Variants in PTPRM observed in about 807,000 individuals in gnomAD.
PTPRM encodes the protein protein tyrosine phosphatase receptor type M, also known as receptor-type tyrosine-protein phosphatase mu.
PTPRM carries 47 observed loss-of-function variants against 186.7 expected under a neutral mutation model. The observed-to-expected ratio is 0.25, with a 90% CI of 0.20 to 0.32. PTPRM has a LOEUF of 0.32. Ranked by LOEUF, PTPRM falls within the 10% of genes least tolerant of loss-of-function variation. The pLI, the probability that PTPRM is intolerant of heterozygous loss-of-function variation, is 1.00. For missense variants in PTPRM, 1,494 were observed against 1,865.0 expected, an observed-to-expected ratio of 0.80 and a Z score of 3.66; for synonymous variants, 668 against 674.9, an observed-to-expected ratio of 0.99 and a Z score of 0.16.
At chr18:7,771,987 C>A (rs2144910603) in intron 1 of PTPRM, among the ~76,000 whole-genome samples, 1 of 152,314 alleles carries the variant, frequency 6.6e-6, no homozygotes, top group Non-Finnish European at 1.5e-5. Flanking sequence ...TGTACAAAAG[C>A]CGTATGGGAT....
chr18:8,076,399 A>G (rs1437109313), intron 8 of PTPRM, 56 bp from the exon 9 acceptor site: 1 of 1,055,550 alleles, frequency 9.5e-7, no homozygotes, highest in Non-Finnish European at 1.4e-6. Flanking sequence ...GTCTAGAAAA[A>G]TCTACTTTTT....
chr18:7,641,960 G>A (rs781238344), intron 1 of PTPRM, among the ~76,000 whole-genome samples: 1 of 152,148 alleles, frequency 6.6e-6, no homozygotes, highest in Non-Finnish European at 1.5e-5. Flanking sequence ...AGGGCTATGA[G>A]GGATGTGGAG....
intron 9 of PTPRM, among the ~76,000 whole-genome samples, chr18:8,079,140 C>T (rs1482698152): frequency 6.6e-6 from 1 of 152,162 alleles, no homozygotes; most frequent in African/African-American, 2.4e-5. Context: ...AGTTCACAGC[C>T]TTACATCATT....
chr18:8,115,255 G>A (rs1234801989), intron 13 of PTPRM, among the ~76,000 whole-genome samples: 1 of 152,128 alleles, frequency 6.6e-6, no homozygotes. Flanking sequence ...AGTAGAAAGT[G>A]GAGTCTACGC....
intron 19 of PTPRM, among the ~76,000 whole-genome samples, chr18:8,277,243 T>C (rs1601597813): frequency 1.3e-5 from 2 of 152,194 alleles, no homozygotes; most frequent in East Asian, 1.9e-4. Context: ...TTTTTCCCAA[T>C]ATAGAAACAG....
intron 7 of PTPRM, among the ~76,000 whole-genome samples, chr18:8,034,341 T>A (rs368879468): frequency 1.2e-4 from 19 of 152,264 alleles, no homozygotes; most frequent in African/African-American, 4.3e-4. Flanking sequence ...AAATCCCATT[T>A]AAATATCTTC....
chr18:8,283,663 C>T (rs540619703), intron 19 of PTPRM, among the ~76,000 whole-genome samples: 7 of 152,266 alleles, frequency 4.6e-5, no homozygotes, highest in African/African-American at 1.7e-4. Context: ...CTCTGTTGCC[C>T]AGGCTGGAGG....
At chr18:7,621,378 G>A (rs2037934028) in intron 1 of PTPRM, among the ~76,000 whole-genome samples, 1 of 152,114 alleles carries the variant, frequency 6.6e-6, no homozygotes, top group African/African-American at 2.4e-5. Context: ...TTCCCATATA[G>A]CCCTGCCCCC....
At chr18:8,039,617 T>C (rs2086566059) in intron 7 of PTPRM, among the ~76,000 whole-genome samples, 1 of 152,170 alleles carries the variant, frequency 6.6e-6, no homozygotes, top group Non-Finnish European at 1.5e-5. Flanking sequence ...AATGGCTACG[T>C]TAAGCAAAAT....
chr18:7,583,640 G>A (rs75629353), intron 1 of PTPRM, among the ~76,000 whole-genome samples: 6,290 of 152,312 alleles, frequency 0.041, 148 homozygotes, highest in South Asian at 0.085. Flanking sequence ...GCTTCTTAGT[G>A]ACTTGACTGA....
intron 7 of PTPRM, among the ~76,000 whole-genome samples, chr18:8,001,699 T>TA (rs2083884802): frequency 6.6e-6 from 1 of 152,212 alleles, no homozygotes; most frequent in Non-Finnish European, 1.5e-5. Flanking sequence ...TCCCCTTCTC[T>TA]GCCTAATCTT....
At chr18:7,640,263 A>G (rs1215098440) in intron 1 of PTPRM, among the ~76,000 whole-genome samples, 1 of 152,212 alleles carries the variant, frequency 6.6e-6, no homozygotes, top group Non-Finnish European at 1.5e-5. Flanking sequence ...AGAAACTTCC[A>G]GTGTCCAGTT....
intron 19 of PTPRM, among the ~76,000 whole-genome samples, chr18:8,279,607 C>T (rs556097118): frequency 4.6e-5 from 7 of 152,272 alleles, no homozygotes; most frequent in Middle Eastern, 3.4e-3. Context: ...GGTCCGTAGT[C>T]GTGAGACAGA....
At chr18:8,273,312 G>A (rs934814728) in intron 19 of PTPRM, among the ~76,000 whole-genome samples, 7 of 151,942 alleles carry the variant, frequency 4.6e-5, no homozygotes, top group African/African-American at 1.7e-4. Context: ...CATGTAAAAT[G>A]GAGTGAATAT....
chr18:8,063,053 C>A (rs1281048477), intron 7 of PTPRM, among the ~76,000 whole-genome samples: 1 of 151,160 alleles, frequency 6.6e-6, no homozygotes. Flanking sequence ...GCCCCTCCCC[C>A]AGCCTCGCTG....
At chr18:7,776,204 T>C (rs375025729) in intron 2 of PTPRM, among the ~76,000 whole-genome samples, 1 of 152,252 alleles carries the variant, frequency 6.6e-6, no homozygotes. Context: ...ATTAGGCCTT[T>C]GTAGCATAAG....
chr18:8,405,967 A>C, intron 32 of PTPRM, 142 bp from the exon 33 acceptor site: 15 of 778,112 alleles, frequency 1.9e-5, no homozygotes, highest in Non-Finnish European at 3.4e-5. Context: ...TGGAGTTCAG[A>C]ACCGTGACTT....
intron 1 of PTPRM, among the ~76,000 whole-genome samples, chr18:7,672,435 G>A (rs1420483779): frequency 1.3e-5 from 2 of 152,026 alleles, no homozygotes; most frequent in Non-Finnish European, 2.9e-5. Flanking sequence ...AAAAGATGCT[G>A]GCATTAAGAC....
At chr18:8,100,130 T>TGTG (rs1568340434) in intron 11 of PTPRM, among the ~76,000 whole-genome samples, 8 of 149,268 alleles carry the variant, frequency 5.4e-5, no homozygotes, top group Non-Finnish European at 1.2e-4. Context: ...TGCCACACAC[T>TGTG]TGTGTGTGTG....
Sources: allele counts gnomAD v4.1 joint callset (sites outside exome capture counted in the v4.1 genomes callset), GRCh38; gene constraint gnomAD v4.1.1; transcripts MANE v1.5; gene names NCBI Gene and HGNC (gene_info 2026-07-23, HGNC 2026-07-21).